SIM2: variants seen among roughly 807,000 people sequenced by gnomAD.
SIM2 encodes the protein single-minded homolog 2.
In SIM2, 28 loss-of-function variants were observed where a neutral mutation model predicts 64.8. The ratio of observed to expected loss-of-function variants is 0.43; its 90% CI spans 0.32 to 0.59. The LOEUF (loss-of-function observed/expected upper bound fraction) is 0.59, where lower values mean the gene tolerates loss of function less well. Among genes scored for constraint, SIM2 ranks in the 20% least tolerant of loss-of-function variants. SIM2 has a pLI of 0.07. For missense variants in SIM2, 847 were observed against 871.4 expected (o/e 0.97, Z 0.35); for synonymous variants, 408 against 391.1 (o/e 1.04, Z -0.51).
intron 8 of SIM2, among the ~76,000 whole-genome samples, chr21:36,742,843 A>G (rs1444161031): frequency 7.2e-5 from 11 of 152,158 alleles, no homozygotes; most frequent in Non-Finnish European, 2.9e-5. Context: ...ATTCTTCCTG[A>G]GCAAATGTGT....
rs2089246740 is a variant in SIM2, at chr21:36,747,630, C to T, written c.1577-35C>T. The T allele has an allele frequency of 2.5e-6, 3 of 1,202,780 alleles. No homozygotes were observed. In the Admixed American group the frequency reaches 1.3e-4, roughly 54 times the overall value. The allele number at this position is 1,202,780 out of a possible 1,614,324, so 74.5% of individuals were successfully genotyped here. A position where few individuals can be genotyped will look rare whatever the true frequency, so the allele number is the denominator to read the frequency against. The stretch of plus-strand genomic sequence containing the variant: ...GGGTGGGGTGGCTGCGGCCGCGCCC[C>T]TTGCTGCCCTCTAACGTGTCGCCTG... On this transcript the variant is annotated intron_variant, in intron 10 of 10. Transcript: ENST00000290399. The surrounding 1 kb of genome is among the most constrained non-coding windows in gnomAD (Gnocchi z 4.5).
intron 3 of SIM2, among the ~76,000 whole-genome samples, chr21:36,717,453 T>TTC (rs1237178054): frequency 6.7e-6 from 1 of 149,042 alleles, no homozygotes; most frequent in Non-Finnish European, 1.5e-5. Flanking sequence ...TTCTTTTCTT[T>TTC]TTTTTTTTTT....
chr21:36,705,132 C>T (rs1601684568), intron 1 of SIM2, among the ~76,000 whole-genome samples: 4 of 152,316 alleles, frequency 2.6e-5, no homozygotes, highest in Admixed American at 2.6e-4. Context: ...CTGAGCCTAC[C>T]GCCCTTGCAG....
chr21:36,709,267 G>C lies in SIM2; in HGVS notation c.258+17G>C. 1 of 1,577,552 alleles carries C rather than the reference G, an allele frequency of 6.3e-7. No individual in the cohort carries two copies. The highest frequency in any genetic ancestry group is 8.6e-7 in the Non-Finnish European group (1 of 1,162,502). On this transcript the variant is annotated intron_variant, in intron 2 of 10. Transcript: ENST00000290399. Reference sequence around the variant, plus strand: ...TTGCTGCAGGTAGAGCGGCCTCGCCGGGGGAGGAGCGCAGCCGCCGCAGGC... The same window carrying C: ...TTGCTGCAGGTAGAGCGGCCTCGCCCGGGGAGGAGCGCAGCCGCCGCAGGC...
Position 36,747,860 on chromosome 21 carries a change from C to T in SIM2, c.1772C>T (p.Ala591Val). 9.6e-7 allele frequency: 1 copy of T among 1,043,440 alleles called. No homozygotes were observed. The highest frequency in any genetic ancestry group is 5.0e-5 in the Admixed American group (1 of 20,124). The allele number at this position is 1,043,440 out of a possible 1,614,324, so 64.6% of individuals were successfully genotyped here. A position where few individuals can be genotyped will look rare whatever the true frequency, so the allele number is the denominator to read the frequency against. Residue 591 changes from alanine (A) to valine (V), a missense_variant, in exon 11 of 11, where the codon GCG (alanine) becomes GTG (valine). Coordinates refer to ENST00000290399, the MANE Select transcript of SIM2 (RefSeq NM_005069.6). The surrounding 1 kb of genome is among the most constrained non-coding windows in gnomAD (Gnocchi z 4.5). ...CCCCCGACCCCCGAGGCCCCGGGCG[C>T]GCCGGCGCAGCTGCCCTTCGTGCTG... ...CAPPTPEAPG[A>V]PAQLPFVLLN...
At chr21:36,737,423 G>C (rs2123488736) in intron 7 of SIM2, among the ~76,000 whole-genome samples, 1 of 152,274 alleles carries the variant, frequency 6.6e-6, no homozygotes. Context: ...CTTGTATGTA[G>C]GGGGAGCTGG....
At chr21:36,729,567 T>G (rs1326078805) in intron 6 of SIM2, among the ~76,000 whole-genome samples, 1 of 152,160 alleles carries the variant, frequency 6.6e-6, no homozygotes, top group Non-Finnish European at 1.5e-5. Context: ...GTCAAGTTTT[T>G]CAGTTTAATT....
Position 36,748,761 on chromosome 21 carries a change from T to C in SIM2, c.*669T>C, listed in dbSNP as rs1365488959. ...CTTCCCAAATACATTAACAAGCTCT[T>C]ACTTCCCCCTAACCCCTATGAACTC... On this transcript the variant is annotated 3_prime_UTR_variant, in exon 11 of 11. Coordinates refer to ENST00000290399, the MANE Select transcript of SIM2 (RefSeq NM_005069.6). The C allele has an allele frequency of 1.3e-5, 2 of 152,662 alleles. No homozygotes were observed. The highest frequency in any genetic ancestry group is 4.8e-5 in the African/African-American group (2 of 41,448). 9.5% of individuals were successfully genotyped at this position (152,662 alleles called of 1,614,324 possible). A position where few individuals can be genotyped will look rare whatever the true frequency, so the allele number is the denominator to read the frequency against.
At chr21:36,701,929 C>A (rs971063123) in intron 1 of SIM2, among the ~76,000 whole-genome samples, 1 of 152,174 alleles carries the variant, frequency 6.6e-6, no homozygotes, top group East Asian at 1.9e-4. Context: ...ATAGAAAAAG[C>A]CTTCGAAGCA....
chr21:36,725,872 C>T (rs1228344769), intron 5 of SIM2, among the ~76,000 whole-genome samples: 1 of 152,204 alleles, frequency 6.6e-6, no homozygotes, highest in Non-Finnish European at 1.5e-5. Flanking sequence ...CCCCCGACCT[C>T]GGCCTCCCAA....
chr21:36,724,424 G>A (rs566069759), intron 5 of SIM2, among the ~76,000 whole-genome samples: 24 of 152,220 alleles, frequency 1.6e-4, no homozygotes, highest in African/African-American at 3.4e-4. Flanking sequence ...GGCCACAGGC[G>A]CACGCCACCA....
At chr21:36,727,031 T>C (rs2088902156) in intron 6 of SIM2, among the ~76,000 whole-genome samples, 1 of 152,146 alleles carries the variant, frequency 6.6e-6, no homozygotes, top group Non-Finnish European at 1.5e-5. Context: ...GAAGTGAATT[T>C]TAATTTTAAT....
In SIM2 at chr21:36,743,497, T is replaced by C. The variant is rs2089191109; in HGVS notation, c.1109T>C (p.Val370Ala). Residue 370 changes from valine to alanine, a missense_variant, in exon 9 of 11, where the codon GTG becomes GCG. By Grantham distance (64) the Val-to-Ala change is moderately conservative. Coordinates refer to ENST00000290399, the MANE Select transcript of SIM2 (RefSeq NM_005069.6). ...LSTSQETRKL[V>A]KPKNTKMKTK... ...ACCTCACAAGAAACTAGGAAATTAG[T>C]GAAACCCAAAAATACCAAGATGAAG... 9 of 1,614,076 alleles carry C rather than the reference T, an allele frequency of 5.6e-6. No individual in the cohort carries two copies. Among genetic ancestry groups the C allele is most frequent in the Non-Finnish European group, 7.6e-6 (9 of 1,180,004 alleles).
In SIM2 at chr21:36,726,358, A is replaced by G. The variant is rs754045060; in HGVS notation, c.743+40A>G. On this transcript the variant is annotated intron_variant, in intron 6 of 10. Coordinates refer to ENST00000290399, the MANE Select transcript of SIM2 (RefSeq NM_005069.6). This position sits in a 1 kb window ranked among gnomAD's most constrained non-coding sequence, Gnocchi z 4.5. ...TGCCACAGTGGCTGTGGCCTTCTGG[A>G]AGACACCGGTGGTGGAAATGGGTCC... is the stretch of plus-strand genomic sequence containing the variant. 3.8e-6 allele frequency: 6 copies of G among 1,572,900 alleles called. No individual in the cohort carries two copies. The highest frequency in any genetic ancestry group is 5.2e-6 in the Non-Finnish European group (6 of 1,151,948).
At chr21:36,713,740 C>CT (rs541354408) in intron 3 of SIM2, among the ~76,000 whole-genome samples, 60 of 152,266 alleles carry the variant, frequency 3.9e-4, no homozygotes, top group Non-Finnish European at 7.1e-4. Flanking sequence ...TCTGCCAATA[C>CT]TTTTTTTTAT....
chr21:36,717,698 C>T (rs1368946954), intron 3 of SIM2, among the ~76,000 whole-genome samples: 4 of 152,042 alleles, frequency 2.6e-5, no homozygotes, highest in African/African-American at 4.8e-5. Context: ...CCGCCTGCCT[C>T]GGCCTACCAA....
chr21:36,736,900 TTTTTCTTTCG>T (rs1271543791), intron 7 of SIM2, among the ~76,000 whole-genome samples: 3 of 151,514 alleles, frequency 2.0e-5, no homozygotes, highest in African/African-American at 4.9e-5. Context: ...TTTTTCTTTC[TTTTTCTTTCG>T]TTCTTTCTCT....
Position 36,742,565 on chromosome 21 carries a change from A to G in SIM2, c.998+701A>G, listed in dbSNP as rs1042416495. Among the ~76,000 whole-genome samples, 10 of 152,204 alleles carry G rather than the reference A, an allele frequency of 6.6e-5. No homozygotes were observed. The South Asian group carries it at 1.2e-3, about 19-fold the overall frequency. On this transcript the variant is annotated intron_variant, in intron 8 of 10. Coordinates refer to ENST00000290399, the MANE Select transcript of SIM2 (RefSeq NM_005069.6). Reference sequence around the variant, plus strand: ...GAGCCACGGTGCCCAGCCTGCAAATACTTTTAAGGCCATTAGAAGCAATAG... The same window carrying G: ...GAGCCACGGTGCCCAGCCTGCAAATGCTTTTAAGGCCATTAGAAGCAATAG...
intron 7 of SIM2, among the ~76,000 whole-genome samples, chr21:36,732,770 A>G (rs1209617611): frequency 6.6e-6 from 1 of 152,218 alleles, no homozygotes; most frequent in Non-Finnish European, 1.5e-5. Flanking sequence ...CGTCGGTGTC[A>G]CTAATATGGG....
Sources: allele counts gnomAD v4.1 joint callset (sites outside exome capture counted in the v4.1 genomes callset), GRCh38; gene constraint gnomAD v4.1.1; non-coding constraint Gnocchi (gnomAD v3.1); transcripts MANE v1.5; gene names NCBI Gene and HGNC (gene_info 2026-07-23, HGNC 2026-07-21).